ACOX1: variants seen among roughly 807,000 people sequenced by gnomAD.
The protein encoded by ACOX1 is peroxisomal acyl-coenzyme A oxidase 1.
Under a neutral mutation model 75.5 loss-of-function variants are expected in ACOX1, and 41 were observed. The ratio of observed to expected loss-of-function variants is 0.54; its 90% CI spans 0.42 to 0.70. The LOEUF is 0.70. Among genes scored for constraint, ACOX1 ranks in the 30% least tolerant of loss-of-function variants. ACOX1 has a pLI of 0.00. For missense variants in ACOX1, 630 were observed against 837.5 expected, an observed-to-expected ratio of 0.75 and a Z score of 3.06; for synonymous variants, 303 against 298.8, an observed-to-expected ratio of 1.01 and a Z score of -0.15.
chr17:75,970,760 C>T (rs1598198165), intron 2 of ACOX1, among the ~76,000 whole-genome samples: 1 of 152,162 alleles, frequency 6.6e-6, no homozygotes, highest in African/African-American at 2.4e-5. Context: ...AGATCTCATT[C>T]TATATAAGCT....
intron 2 of ACOX1, among the ~76,000 whole-genome samples, chr17:75,967,910 T>TTA (rs2065953978): frequency 6.7e-6 from 1 of 149,876 alleles, no homozygotes; most frequent in African/African-American, 2.4e-5. Flanking sequence ...CAGCTAATTT[T>TTA]TAGATTTTTA....
intron 12 of ACOX1, among the ~76,000 whole-genome samples, chr17:75,948,853 T>C (rs1187174684): frequency 8.6e-6 from 1 of 116,340 alleles, no homozygotes; most frequent in Non-Finnish European, 1.7e-5. Context: ...CCTGGCTATT[T>C]TTCTTTTTCT....
intron 3 of ACOX1, among the ~76,000 whole-genome samples, chr17:75,958,152 A>G (rs556069938): frequency 2.6e-5 from 4 of 151,666 alleles, no homozygotes; most frequent in African/African-American, 9.7e-5. Flanking sequence ...CAGGAGATCG[A>G]GTCCATCCTG....
At chr17:75,953,318 C>T (rs1289386019) in intron 7 of ACOX1, 133 bp downstream of exon 7, 4 of 939,184 alleles carry the variant, frequency 4.3e-6, no homozygotes, top group Non-Finnish European at 5.0e-6. Context: ...TATGAAATTA[C>T]AGGCCCAGTT....
Position 75,957,484 on chromosome 17 carries a change from G to C in ACOX1, c.513C>G (p.Thr171=), listed in dbSNP as rs1452586437. ...GCCCACCAGGCCACCATTTAATGGA[G>C]GTCACAGTAGGACTGTTGAGAATGA... ...QEFILNSPTV[T]SIKWWPGGLG... Residue 171 remains threonine, a synonymous_variant, in exon 4 of 14, where the codon ACC becomes ACG. Coordinates refer to ENST00000293217, the MANE Select transcript of ACOX1 (RefSeq NM_004035.7). 6.2e-7 allele frequency: 1 copy of C among 1,614,060 alleles called. No homozygotes were observed. The highest frequency in any genetic ancestry group is 1.1e-5 in the South Asian group (1 of 91,084).
rs1255580449 is a variant in ACOX1 at position 75,949,282 on chromosome 17, A to G, written c.1663T>C (p.Leu555=). Residue 555 remains leucine (L), a synonymous_variant, in exon 12 of 14, where the codon TTA becomes CTA. Transcript: ENST00000293217. Reference sequence around the variant, plus strand: ...GAATACAGCAGACATAAACTCCTTAAGACAGCTTGAATGGCTTTATCTTGA... The same window carrying G: ...GAATACAGCAGACATAAACTCCTTAGGACAGCTTGAATGGCTTTATCTTGA... ...KIQDKAIQAV[L]RSLCLLYSLY... 3.7e-6 allele frequency: 6 copies of G among 1,614,124 alleles called. No individual in the cohort carries two copies. The highest frequency in any genetic ancestry group is 5.1e-6 in the Non-Finnish European group (6 of 1,180,044).
chr17:75,966,045 G>C (rs1214286006), intron 2 of ACOX1, among the ~76,000 whole-genome samples: 1 of 151,942 alleles, frequency 6.6e-6, no homozygotes, highest in Non-Finnish European at 1.5e-5. Flanking sequence ...CAGAAGAATT[G>C]CTTGAACCTG....
In ACOX1 at chr17:75,978,724, A is replaced by C; in HGVS notation, c.110-31T>G. The C allele has an allele frequency of 6.3e-7, 1 of 1,595,614 alleles. No homozygotes were observed. Among genetic ancestry groups the C allele is most frequent in the Non-Finnish European group, 8.5e-7 (1 of 1,178,402 alleles). On this transcript the variant is annotated intron_variant, in intron 1 of 13. Coordinates refer to ENST00000293217, the MANE Select transcript of ACOX1 (RefSeq NM_004035.7). This position sits in a 1 kb window ranked among gnomAD's most constrained non-coding sequence, Gnocchi z 4.2. ...AGGGGGTTAAAGGGCATTAAAAGGC[A>C]GACAGACACTCGGGCCTCCGTTCCA...
chr17:75,955,664 T>C lies in ACOX1; in HGVS notation c.676A>G (p.Ile226Val), dbSNP rs1419990281. 3 of 1,613,996 alleles carry C rather than the reference T, an allele frequency of 1.9e-6. No individual in the cohort carries two copies. The highest frequency in any genetic ancestry group is 1.3e-5 in the African/African-American group (1 of 74,942). Residue 226 changes from isoleucine to valine, a missense_variant, in exon 6 of 14, where the codon ATC becomes GTC. This residue lies in a region of ACOX1 where 390 missense variants were observed against 574.9 expected (regional missense o/e 0.68). Coordinates refer to ENST00000293217, the MANE Select transcript of ACOX1 (RefSeq NM_004035.7). ...KPLPGITVGD[I>V]GPKFGYDEID... ...TCATCATAACCAAATTTGGGGCCGA[T>C]GTCACCAACGGTAATTCCTACCACA...
At chr17:75,952,772 A>G (rs2065786519) in intron 7 of ACOX1, among the ~76,000 whole-genome samples, 1 of 150,876 alleles carries the variant, frequency 6.6e-6, no homozygotes, top group Non-Finnish European at 1.5e-5. Context: ...CAGAGACTGC[A>G]GCAAGCTGAG....
rs545008236 is a variant in ACOX1, at chr17:75,978,024, G to C, written c.269+510C>G. Among the ~76,000 whole-genome samples, 5 of 152,034 alleles carry C rather than the reference G, an allele frequency of 3.3e-5. No individual in the cohort carries two copies. The highest frequency in any genetic ancestry group is 7.4e-5 in the Non-Finnish European group (5 of 68,004). On this transcript the variant is annotated intron_variant, in intron 2 of 13. Coordinates refer to ENST00000293217, the MANE Select transcript of ACOX1 (RefSeq NM_004035.7). The surrounding 1 kb of genome is among the most constrained non-coding windows in gnomAD (Gnocchi z 4.2). ...TTTATTATCAGCATTCTACAAACACGTCATCCCACGAAAAGGCTTGGATAC... is the reference window on the plus strand; with the variant it reads ...TTTATTATCAGCATTCTACAAACACCTCATCCCACGAAAAGGCTTGGATAC...
chr17:75,955,798 T>C (rs765718840), intron 5 of ACOX1, 30 bp downstream of exon 5: 2 of 1,614,184 alleles, frequency 1.2e-6, no homozygotes, highest in South Asian at 1.1e-5. Flanking sequence ...AGTTTCATTT[T>C]CATCTCAACA....
At chr17:75,969,240 C>T (rs2065970838) in intron 2 of ACOX1, among the ~76,000 whole-genome samples, 1 of 152,192 alleles carries the variant, frequency 6.6e-6, no homozygotes, top group Non-Finnish European at 1.5e-5. Flanking sequence ...AATCTCAGCT[C>T]ACCACAACTT....
chr17:75,942,654 T>C lies in ACOX1; in HGVS notation c.*4094A>G, dbSNP rs2065683152. On this transcript the variant is annotated 3_prime_UTR_variant, in exon 14 of 14. Transcript: ENST00000293217. ...TCTCAGGTCATCAGTTTCCTGGCAC[T>C]CCTCCTCTCTCTAGCTGTAGTAGCA... 6.6e-6 allele frequency: 1 copy of C among 151,988 alleles called. No homozygotes were observed. Among genetic ancestry groups the C allele is most frequent in the African/African-American group, 2.4e-5 (1 of 41,366 alleles). The allele number at this position is 151,988 out of a possible 1,614,324, so 9.4% of individuals were successfully genotyped here.
In ACOX1 at chr17:75,949,780, T is replaced by C. The variant is rs369607621; in HGVS notation, c.1416A>G (p.Pro472=). 8.1e-6 allele frequency: 13 copies of C among 1,614,142 alleles called. No individual in the cohort carries two copies. The highest frequency in any genetic ancestry group is 1.0e-5 in the Non-Finnish European group (12 of 1,180,026). ...CGGGGCTGTTGATATCCACCATGGT[T>C]GGCCAGACTGCTACCTGCTGTGGCT... ...RIQPQQVAVW[P]TMVDINSPES... Residue 472 remains proline (P), a synonymous_variant, in exon 10 of 14, where the codon CCA becomes CCG. Transcript: ENST00000293217.
intron 4 of ACOX1, 58 bp from the exon 5 acceptor site, chr17:75,956,005 G>A (rs2065821438): frequency 1.2e-6 from 2 of 1,607,038 alleles, no homozygotes; most frequent in African/African-American, 1.3e-5. Context: ...TTTTTAAAGG[G>A]TAGAAAAAAG....
chr17:75,963,582 C>T (rs921795405), intron 2 of ACOX1, among the ~76,000 whole-genome samples: 1 of 151,854 alleles, frequency 6.6e-6, no homozygotes, highest in African/African-American at 2.4e-5. Flanking sequence ...GCCTCTAATC[C>T]CAGCTACTCG....
At chr17:75,966,922 C>CT (rs1366849944) in intron 2 of ACOX1, among the ~76,000 whole-genome samples, 1 of 151,770 alleles carries the variant, frequency 6.6e-6, no homozygotes, top group African/African-American at 2.4e-5. Flanking sequence ...TTATAAAACT[C>CT]TAAGACAAAC....
chr17:75,978,884 C>T lies in ACOX1; in HGVS notation c.109+81G>A. The T allele has an allele frequency of 6.2e-7, 1 of 1,600,960 alleles. No homozygotes were observed. The highest frequency in any genetic ancestry group is 8.5e-7 in the Non-Finnish European group (1 of 1,177,852). On this transcript the variant is annotated intron_variant, in intron 1 of 13. Coordinates refer to ENST00000293217, the MANE Select transcript of ACOX1 (RefSeq NM_004035.7). The surrounding 1 kb of genome is among the most constrained non-coding windows in gnomAD (Gnocchi z 4.2). ...TAACGCTGGGCCAGAGGGCCTAGGC[C>T]CCACAGCGCCCCTGACTCCGCATCG...
Sources: gnomAD v4.1 joint callset for allele counts (sites outside exome capture counted in the v4.1 genomes callset) on GRCh38, gnomAD v4.1.1 for gene constraint, gnomAD v4.1.1 regional missense constraint, Gnocchi (gnomAD v3.1) non-coding constraint, MANE v1.5 for transcripts, NCBI Gene and HGNC (gene_info 2026-07-23, HGNC 2026-07-21) for gene names.